Variants in MYB observed in about 807,000 individuals in gnomAD.
The protein encoded by MYB is transcriptional activator Myb.
A neutral mutation model predicts 92.9 loss-of-function variants in MYB; 28 were observed. The ratio of observed to expected loss-of-function variants is 0.30; its 90% CI spans 0.22 to 0.41. The LOEUF is 0.41. MYB is among the 10% of genes least tolerant of loss of function. The pLI, the probability that MYB is intolerant of heterozygous loss-of-function variation, is 1.00. For synonymous variants in MYB, 295 were observed against 329.1 expected, an observed-to-expected ratio of 0.90 and a Z score of 1.12; for missense variants, 679 against 929.3, an observed-to-expected ratio of 0.73 and a Z score of 3.50.
intron 15 of MYB, among the ~76,000 whole-genome samples, chr6:135,215,219 T>C (rs1780272425): frequency 1.3e-5 from 2 of 152,224 alleles, no homozygotes; most frequent in Admixed American, 1.3e-4. Context: ...ACCCTACCAC[T>C]GTACCCATAC....
At chr6:135,188,038 T>A (rs1776147048) in intron 3 of MYB, 133 bp downstream of exon 3, 1 of 429,508 alleles carries the variant, frequency 2.3e-6, no homozygotes, top group Non-Finnish European at 4.1e-6. Context: ...GCCCTACCCA[T>A]AACTTATATT....
rs1554254435 is a variant in MYB, at chr6:135,206,226, AAT to A, written c.2169+2904_2169+2905del. Among the ~76,000 whole-genome samples the A allele has an allele frequency of 8.8e-5, 9 of 102,696 alleles. No homozygotes were observed. The East Asian group carries it at 1.6e-3, about 18-fold the overall frequency. 67.4% of individuals were successfully genotyped at this position (102,696 alleles called of 152,430 possible). A position where few individuals can be genotyped will look rare whatever the true frequency, so the allele number is the denominator to read the frequency against. ...ATCTCAAAAAAAAAAAAAAAAAAAA[AAT>A]AATAATAATAATAATAATAATTAGC... On this transcript the variant is annotated intron_variant, in intron 15 of 15. Coordinates refer to ENST00000341911, the MANE Select transcript of MYB (RefSeq NM_001130173.2).
chr6:135,201,310 A>T (rs775981911), intron 13 of MYB, among the ~76,000 whole-genome samples: 1 of 152,222 alleles, frequency 6.6e-6, no homozygotes, highest in African/African-American at 2.4e-5. Context: ...AAGATCTTTT[A>T]TGTCACCAAA....
At position 135,181,648 on chromosome 6, in the gene MYB, A is replaced by G; in HGVS notation, c.23+112A>G. ...TTCCGGGATCATCTGAGGGGCTGTC[A>G]GACCCTCCGAGGACCTGGAGCCCCT... On this transcript the variant is annotated intron_variant, in intron 1 of 15. Coordinates refer to ENST00000341911, the MANE Select transcript of MYB (RefSeq NM_001130173.2). This position sits in a 1 kb window ranked among gnomAD's most constrained non-coding sequence, Gnocchi z 5.3. 1.4e-6 allele frequency: 1 copy of G among 732,442 alleles called. No homozygotes were observed. 45.4% of individuals were successfully genotyped at this position (732,442 alleles called of 1,614,324 possible). A position where few individuals can be genotyped will look rare whatever the true frequency, so the allele number is the denominator to read the frequency against.
chr6:135,183,188 G>A (rs1775386410), intron 1 of MYB, among the ~76,000 whole-genome samples: 1 of 151,878 alleles, frequency 6.6e-6, no homozygotes, highest in African/African-American at 2.4e-5. Flanking sequence ...CGGCTGGGAG[G>A]GGCGGGAGCC....
chr6:135,216,672 CTG>C, intron 15 of MYB, among the ~76,000 whole-genome samples: 1 of 152,324 alleles, frequency 6.6e-6, no homozygotes, highest in Middle Eastern at 3.4e-3. Flanking sequence ...AGAGGGCCAA[CTG>C]TGTTTATTTT....
At chr6:135,184,755 A>G (rs1291409509) in intron 1 of MYB, among the ~76,000 whole-genome samples, 1 of 152,176 alleles carries the variant, frequency 6.6e-6, no homozygotes, top group African/African-American at 2.4e-5. Flanking sequence ...ATATGGCTTT[A>G]TATCATTGTT....
At position 135,218,041 on chromosome 6, in the gene MYB, T is replaced by G; in HGVS notation, c.*61T>G. ...CTTCAAGTTGACTTGGGATATATCA[T>G]TCCTCAACATGAAACTTTTCATGAA... On this transcript the variant is annotated 3_prime_UTR_variant, in exon 16 of 16. Coordinates refer to ENST00000341911, the MANE Select transcript of MYB (RefSeq NM_001130173.2). 35 of 1,253,406 alleles carry G rather than the reference T, an allele frequency of 2.8e-5. No homozygotes were observed. Among genetic ancestry groups the G allele is most frequent in the Non-Finnish European group, 3.7e-5 (32 of 854,264 alleles). 77.6% of individuals were successfully genotyped at this position (1,253,406 alleles called of 1,614,324 possible).
intron 8 of MYB, 85 bp downstream of exon 8, chr6:135,194,545 C>G (rs924437630): frequency 8.9e-6 from 8 of 902,580 alleles, no homozygotes; most frequent in Non-Finnish European, 1.4e-5. Context: ...AAATATTACA[C>G]TTAGCAAGGC....
intron 2 of MYB, among the ~76,000 whole-genome samples, chr6:135,187,616 T>C (rs1321067368): frequency 6.6e-6 from 1 of 152,204 alleles, no homozygotes; most frequent in Non-Finnish European, 1.5e-5. Context: ...TAAAATGGTA[T>C]ACCCGCTTTA....
chr6:135,189,742 G>A (rs369020070), intron 3 of MYB, 49 bp from the exon 4 acceptor site: 14 of 1,503,080 alleles, frequency 9.3e-6, no homozygotes, highest in East Asian at 9.0e-5. Context: ...AAAAATTCAC[G>A]TGCTTATCAC....
intron 7 of MYB, 64 bp downstream of exon 7, chr6:135,193,982 T>C: frequency 7.6e-7 from 1 of 1,315,322 alleles, no homozygotes; most frequent in South Asian, 1.2e-5. Context: ...TTCTTTCATC[T>C]AAACACATAT....
rs534580561 is a variant in MYB, at chr6:135,208,468, C to T, written c.2169+5144C>T. Among the ~76,000 whole-genome samples the T allele has an allele frequency of 2.0e-5, 3 of 152,054 alleles. No individual in the cohort carries two copies. In the East Asian group the frequency reaches 5.8e-4, roughly 29 times the overall value. ...AAGATCATGGCTCACTGCAGCCTAC[C>T]TCCTGGACTCAAGCAATCCTCCTCC... On this transcript the variant is annotated intron_variant, in intron 15 of 15. Transcript: ENST00000341911.
chr6:135,208,252 T>C (rs1779245549), intron 15 of MYB, among the ~76,000 whole-genome samples: 1 of 151,752 alleles, frequency 6.6e-6, no homozygotes, highest in Admixed American at 6.6e-5. Flanking sequence ...TAATTTTTGG[T>C]ATTTTTAGTA....
Position 135,182,657 on chromosome 6 carries a change from G to A in MYB, c.23+1121G>A, listed in dbSNP as rs1489380722. 6.6e-6 allele frequency among the ~76,000 whole-genome samples: 1 copy of A among 152,244 alleles called. No homozygotes were observed. The highest frequency in any genetic ancestry group is 1.9e-4 in the East Asian group (1 of 5,200). ...CGGTGACCGGACAGACCCTCGCGAA[G>A]GAGTTCTAAGGCGAAGTCCATGGAG... On this transcript the variant is annotated intron_variant, in intron 1 of 15. Coordinates refer to ENST00000341911, the MANE Select transcript of MYB (RefSeq NM_001130173.2). This position sits in a 1 kb window ranked among gnomAD's most constrained non-coding sequence, Gnocchi z 5.6.
At chr6:135,199,469 AT>A (rs1777773145) in intron 11 of MYB, 1 of 514,474 alleles carries the variant, frequency 1.9e-6, no homozygotes, top group Admixed American at 5.0e-5. Context: ...TTTATTATTT[AT>A]TTATTTTTAG....
Position 135,192,521 on chromosome 6 carries a change from A to G in MYB, c.725A>G (p.Asn242Ser). Residue 242 changes from asparagine to serine, a missense_variant, in exon 6 of 16, where the codon AAC becomes AGC. Physicochemically the swap from Asn to Ser is conservative, Grantham distance 46 (BLOSUM62 1). Around this residue, in one of 8 missense-constraint regions of MYB, gnomAD observed 32 missense variants for 29.9 expected, o/e 1.07. Transcript: ENST00000341911. ...GCCACTGGCCAGCCCACTGTTAACA[A>G]CGACTATTCCTATTACCACATTTCT... The part of the protein sequence containing the change: ...LPATGQPTVN[N>S]DYSYYHISEA... 6.2e-7 allele frequency: 1 copy of G among 1,614,254 alleles called. No homozygotes were observed. Among genetic ancestry groups the G allele is most frequent in the Non-Finnish European group, 8.5e-7 (1 of 1,180,034 alleles).
In MYB at chr6:135,195,882, T is replaced by G. The variant is rs189282361; in HGVS notation, c.1083T>G (p.Pro361=). Residue 361 remains proline, a synonymous_variant, in exon 9 of 16, where the codon CCT becomes CCG. Transcript: ENST00000341911. ...HHSTPSLPAD[P]GSLPEESASP... is the part of the protein sequence containing the mutation. ...CCACTCCATCTCTGCCAGCGGATCC[T>G]GGCTCCCTACCTGAAGAAAGCGCCT... 2.3e-5 allele frequency: 37 copies of G among 1,614,176 alleles called. No homozygotes were observed. In the East Asian group the frequency reaches 5.1e-4, roughly 22 times the overall value.
At position 135,191,259 on chromosome 6, in the gene MYB, G is replaced by T. The variant is rs564406435; in HGVS notation, c.527+912G>T. Among the ~76,000 whole-genome samples, 9 of 152,246 alleles carry T rather than the reference G, an allele frequency of 5.9e-5. No individual in the cohort carries two copies. In the South Asian group the frequency reaches 1.7e-3, roughly 28 times the overall value. On this transcript the variant is annotated intron_variant, in intron 5 of 15. Transcript: ENST00000341911. ...GCAAGAAAATGACCTCATTATGAGG[G>T]ATAACTATGGAAGCTCATTTTGTCC...
Sources: gnomAD v4.1 joint callset for allele counts (sites outside exome capture counted in the v4.1 genomes callset) on GRCh38, gnomAD v4.1.1 for gene constraint, gnomAD v4.1.1 regional missense constraint, Gnocchi (gnomAD v3.1) non-coding constraint, MANE v1.5 for transcripts, NCBI Gene and HGNC (gene_info 2026-07-23, HGNC 2026-07-21) for gene names.